Variants in TTLL11 observed in about 807,000 individuals in gnomAD.
TTLL11 encodes the protein tubulin polyglutamylase TTLL11.
In TTLL11, 42 loss-of-function variants were observed where a neutral mutation model predicts 51.7. The ratio of observed to expected loss-of-function variants is 0.81; its 90% confidence interval spans 0.64 to 1.05. TTLL11 has a LOEUF of 1.05. Among genes scored for constraint, TTLL11 ranks in the 50% least tolerant of loss-of-function variants. The pLI is 0.00. For synonymous variants in TTLL11, 381 were observed against 383.5 expected, an observed-to-expected ratio of 0.99 and a Z score of 0.08; for missense variants, 799 against 940.4, an observed-to-expected ratio of 0.85 and a Z score of 1.97.
intron 6 of TTLL11, among the ~76,000 whole-genome samples, chr9:121,956,577 G>A (rs187329754): frequency 3.4e-4 from 52 of 152,328 alleles, no homozygotes; most frequent in African/African-American, 1.1e-3. Flanking sequence ...CTGTGCATGA[G>A]GATGGGGCCT....
chr9:122,027,225 C>A (rs1046160885), intron 3 of TTLL11, among the ~76,000 whole-genome samples: 5 of 152,138 alleles, frequency 3.3e-5, no homozygotes, highest in Non-Finnish European at 5.9e-5. Context: ...CTATGCAACA[C>A]CAAGGGGGGA....
chr9:122,086,883 G>C (rs1846141896), intron 1 of TTLL11, among the ~76,000 whole-genome samples: 1 of 152,330 alleles, frequency 6.6e-6, no homozygotes, highest in Middle Eastern at 3.4e-3. Context: ...TTTGAACCCT[G>C]ACTTTCTCAC....
intron 6 of TTLL11, among the ~76,000 whole-genome samples, chr9:121,944,176 A>G (rs548244172): frequency 6.6e-6 from 1 of 152,338 alleles, no homozygotes; most frequent in South Asian, 2.1e-4. Flanking sequence ...CCTTGGGGTA[A>G]TTTTAGAATT....
At position 121,818,511 on chromosome 9, in the gene TTLL11, C is replaced by G. The variant is rs1371259719; in HGVS notation, c.*4076G>C. 6.6e-6 allele frequency: 1 copy of G among 152,312 alleles called. No individual in the cohort carries two copies. Among genetic ancestry groups the G allele is most frequent in the Non-Finnish European group, 1.5e-5 (1 of 68,090 alleles). The allele number at this position is 152,312 out of a possible 1,614,324, so 9.4% of individuals were successfully genotyped here. A position where few individuals can be genotyped will look rare whatever the true frequency, so the allele number is the denominator to read the frequency against. Reference sequence around the variant, plus strand: ...GTGCCAACGTGGACCCAGCACATGCCTGACCCTGCAGGAACGCACAGCTGG... The same window carrying G: ...GTGCCAACGTGGACCCAGCACATGCGTGACCCTGCAGGAACGCACAGCTGG... On this transcript the variant is annotated 3_prime_UTR_variant, in exon 9 of 9. Transcript: ENST00000321582.
intron 6 of TTLL11, among the ~76,000 whole-genome samples, chr9:121,957,850 G>C (rs535413300): frequency 6.6e-6 from 1 of 152,222 alleles, no homozygotes; most frequent in South Asian, 2.1e-4. Context: ...TGTGTGAACT[G>C]TAGGGTCTAC....
chr9:121,891,219 G>A (rs1262518609), intron 6 of TTLL11, among the ~76,000 whole-genome samples: 1 of 152,190 alleles, frequency 6.6e-6, no homozygotes, highest in East Asian at 1.9e-4. Context: ...GCTGTTCACT[G>A]AGCACATCAT....
chr9:121,948,335 G>A lies in TTLL11; in HGVS notation c.1481+25674C>T, dbSNP rs148831664. On this transcript the variant is annotated intron_variant, in intron 6 of 8. Transcript: ENST00000321582. ...GTCACTGACTTGAACTCTAGTCTTC[G>A]GGTATTCAGTAGTTACCAGAAAACT... is the stretch of plus-strand genomic sequence containing the variant. 7.8e-3 allele frequency among the ~76,000 whole-genome samples: 1,184 copies of A among 152,278 alleles called. 9 individuals are homozygous for A. The highest frequency in any genetic ancestry group is 0.02 in the Middle Eastern group (6 of 294).
In TTLL11 at chr9:121,816,108, A is replaced by G. The variant is rs1411905882; in HGVS notation, c.*6479T>C. On this transcript the variant is annotated 3_prime_UTR_variant, in exon 9 of 9. Coordinates refer to ENST00000321582, the MANE Select transcript of TTLL11 (RefSeq NM_001139442.2). ...GGCAAGGAGCAGGGATCAGAGAGGT[A>G]AAGTCACTGGCCCGTGGTCATTTAG... The G allele has an allele frequency of 6.6e-6, 1 of 152,244 alleles. No individual in the cohort carries two copies. The highest frequency in any genetic ancestry group is 2.4e-5 in the African/African-American group (1 of 41,466). The allele number at this position is 152,244 out of a possible 1,614,324, so 9.4% of individuals were successfully genotyped here.
chr9:122,032,559 G>A (rs138952262), intron 2 of TTLL11, among the ~76,000 whole-genome samples: 185 of 151,794 alleles, frequency 1.2e-3, no homozygotes, highest in African/African-American at 4.3e-3. Context: ...AAAGAATGGT[G>A]GGGGTGTGAA....
Position 121,819,653 on chromosome 9 carries a change from T to C in TTLL11, c.*2934A>G, listed in dbSNP as rs1339386473. Among the ~76,000 whole-genome samples, 1 of 151,956 alleles carries C rather than the reference T, an allele frequency of 6.6e-6. No individual in the cohort carries two copies. Among genetic ancestry groups the C allele is most frequent in the Non-Finnish European group, 1.5e-5 (1 of 67,994 alleles). On this transcript the variant is annotated 3_prime_UTR_variant, in exon 9 of 9. Transcript: ENST00000321582. Reference sequence around the variant, plus strand: ...GGGAGAAGACGCTGGAGATGGATCCTGAGGGCGCTTGCAGGGATGGGGCTT... The same window carrying C: ...GGGAGAAGACGCTGGAGATGGATCCCGAGGGCGCTTGCAGGGATGGGGCTT...
At chr9:121,909,145 C>G (rs1183001097) in intron 6 of TTLL11, among the ~76,000 whole-genome samples, 1 of 152,126 alleles carries the variant, frequency 6.6e-6, no homozygotes, top group Non-Finnish European at 1.5e-5. Context: ...TGATCCATTC[C>G]TTCATTTATT....
intron 8 of TTLL11, among the ~76,000 whole-genome samples, chr9:121,826,535 G>GTATATATATA (rs1564260522): frequency 5.6e-5 from 2 of 35,532 alleles, no homozygotes; most frequent in Non-Finnish European, 1.0e-4. Context: ...ATATGTGTGT[G>GTATATATATA]TGTATATATA....
intron 6 of TTLL11, among the ~76,000 whole-genome samples, chr9:121,883,006 T>C (rs7028073): frequency 0.017 from 2,656 of 152,252 alleles, 55 homozygotes; most frequent in African/African-American, 0.06. Flanking sequence ...TGATACATGA[T>C]TGTGTAAGTA....
intron 6 of TTLL11, among the ~76,000 whole-genome samples, chr9:121,924,690 C>A (rs1420461750): frequency 6.6e-6 from 1 of 150,520 alleles, no homozygotes; most frequent in Admixed American, 6.6e-5. Flanking sequence ...ACGGGCACTT[C>A]CAGAAAGAGG....
At chr9:121,827,859 G>A (rs1836866106) in intron 8 of TTLL11, among the ~76,000 whole-genome samples, 2 of 152,196 alleles carry the variant, frequency 1.3e-5, no homozygotes, top group African/African-American at 4.8e-5. Flanking sequence ...TTCAAGTTAC[G>A]CTGCAGGAGC....
chr9:121,938,824 T>G (rs2416841), intron 6 of TTLL11, among the ~76,000 whole-genome samples: 1 of 152,120 alleles, frequency 6.6e-6, no homozygotes, highest in Non-Finnish European at 1.5e-5. Context: ...AAGTTGGCAA[T>G]GGAAATGCTC....
At chr9:121,979,097 G>A (rs566911266) in intron 4 of TTLL11, among the ~76,000 whole-genome samples, 4 of 152,282 alleles carry the variant, frequency 2.6e-5, no homozygotes, top group African/African-American at 9.6e-5. Flanking sequence ...TATCTTGGGG[G>A]GCTTTCTCTC....
chr9:122,086,408 T>C (rs1846126750), intron 1 of TTLL11, among the ~76,000 whole-genome samples: 1 of 152,118 alleles, frequency 6.6e-6, no homozygotes, highest in Non-Finnish European at 1.5e-5. Flanking sequence ...TTTGATGGAG[T>C]AGGGCATATA....
At chr9:121,987,603 G>A (rs1484682287) in intron 4 of TTLL11, among the ~76,000 whole-genome samples, 2 of 152,178 alleles carry the variant, frequency 1.3e-5, no homozygotes, top group African/African-American at 2.4e-5. Context: ...AACTCCTTAC[G>A]AGTGGAGAGG....
Sources: gnomAD v4.1 joint callset for allele counts (sites outside exome capture counted in the v4.1 genomes callset) on GRCh38, gnomAD v4.1.1 for gene constraint, MANE v1.5 for transcripts, NCBI Gene and HGNC (gene_info 2026-07-23, HGNC 2026-07-21) for gene names.